The following MTHFD1L variants were observed in gnomAD, a reference collection of about 807,000 sequenced individuals.
MTHFD1L encodes monofunctional C1-tetrahydrofolate synthase, mitochondrial.
In MTHFD1L, 81 loss-of-function variants were observed where a neutral mutation model predicts 119.5. That is an observed-to-expected ratio of 0.68 (90% confidence interval 0.57 to 0.82). The LOEUF is 0.82. MTHFD1L is among the 40% of genes least tolerant of loss of function. MTHFD1L has a pLI of 0.00. For missense variants in MTHFD1L, 1,125 were observed against 1,253.4 expected, an observed-to-expected ratio of 0.90 and a Z score of 1.55; for synonymous variants, 430 against 475.2, an observed-to-expected ratio of 0.90 and a Z score of 1.24.
chr6:150,994,078 A>AAGGAAGGAAGGAAGGAAGG (rs1252305117), intron 20 of MTHFD1L, among the ~76,000 whole-genome samples: 5 of 118,096 alleles, frequency 4.2e-5, no homozygotes, highest in African/African-American at 2.5e-4. Flanking sequence ...AAAAAAAAAA[A>AAGGAAGGAAGGAAGGAAGG]AAGAAAGAAA....
intron 20 of MTHFD1L, among the ~76,000 whole-genome samples, chr6:150,995,824 G>T (rs1779741862): frequency 6.8e-6 from 1 of 147,552 alleles, no homozygotes; most frequent in Non-Finnish European, 1.5e-5. Context: ...ACCACATCAG[G>T]CTAATTTTTT....
At chr6:150,910,301 C>T (rs1311347382) in intron 8 of MTHFD1L, among the ~76,000 whole-genome samples, 1 of 151,624 alleles carries the variant, frequency 6.6e-6, no homozygotes, top group Non-Finnish European at 1.5e-5. Flanking sequence ...CGGTGGCTCA[C>T]GCCTGTAATC....
chr6:151,017,863 C>T (rs1350756667), intron 24 of MTHFD1L, among the ~76,000 whole-genome samples: 18 of 117,180 alleles, frequency 1.5e-4, no homozygotes, highest in Admixed American at 8.3e-4. Context: ...GAGACGGAGT[C>T]TTGCTCTGTC....
At chr6:151,065,478 A>G (rs1791131465) in intron 26 of MTHFD1L, among the ~76,000 whole-genome samples, 1 of 152,266 alleles carries the variant, frequency 6.6e-6, no homozygotes, top group African/African-American at 2.4e-5. Context: ...ATTGACCCAG[A>G]TAACAGAAAA....
intron 20 of MTHFD1L, among the ~76,000 whole-genome samples, chr6:151,009,359 C>CTGTTGG (rs1781895849): frequency 1.3e-5 from 2 of 151,782 alleles, no homozygotes; most frequent in Admixed American, 1.3e-4. Context: ...ATGGTGAAAC[C>CTGTTGG]CCATCTCTAC....
At position 150,960,283 on chromosome 6, in the gene MTHFD1L, T is replaced by A; in HGVS notation, c.1812T>A (p.Phe604Leu). Residue 604 changes from phenylalanine (F) to leucine (L), a missense_variant, in exon 18 of 28, where the codon TTT (phenylalanine) becomes TTA (leucine). Phe to Leu is a conservative substitution (Grantham distance 22). This residue lies in a region of MTHFD1L where 1,058 missense variants were observed against 1,151.2 expected (regional missense o/e 0.92). Coordinates refer to ENST00000367321, the MANE Select transcript of MTHFD1L (RefSeq NM_015440.5). ...TEKGHYRQAQ[F>L]DIAVASEIMA... ...TGTTTGGGCTGGTTCAGGCGCAGTTTGACATCGCAGTGGCCAGCGAGATCA... is the reference window on the plus strand; with the variant it reads ...TGTTTGGGCTGGTTCAGGCGCAGTTAGACATCGCAGTGGCCAGCGAGATCA... 1 of 1,612,854 alleles carries A rather than the reference T, an allele frequency of 6.2e-7. No homozygotes were observed. The highest frequency in any genetic ancestry group is 8.5e-7 in the Non-Finnish European group (1 of 1,179,434).
intron 27 of MTHFD1L, among the ~76,000 whole-genome samples, chr6:151,098,440 C>A (rs1272774486): frequency 1.3e-5 from 2 of 152,140 alleles, no homozygotes; most frequent in Non-Finnish European, 2.9e-5. Context: ...AAAGGGGCGC[C>A]AAGGCATCAC....
chr6:151,076,105 T>C (rs76440980), intron 26 of MTHFD1L, among the ~76,000 whole-genome samples: 6,692 of 152,298 alleles, frequency 0.044, 196 homozygotes, highest in Middle Eastern at 0.082. Context: ...GCACAGTAGC[T>C]CATGCCTGTA....
chr6:150,940,900 G>T lies in MTHFD1L; in HGVS notation c.1440+2155G>T, dbSNP rs528308339. Among the ~76,000 whole-genome samples, 11 of 152,248 alleles carry T rather than the reference G, an allele frequency of 7.2e-5. No individual in the cohort carries two copies. In the South Asian group the frequency reaches 1.9e-3, roughly 26 times the overall value. ...CAGCCAAGAAGACTACCTTATGAGG[G>T]TAGAGTGGGCCAGACACACTCAGGC... On this transcript the variant is annotated intron_variant, in intron 13 of 27. Coordinates refer to ENST00000367321, the MANE Select transcript of MTHFD1L (RefSeq NM_015440.5).
chr6:150,986,836 C>T (rs918235613), intron 20 of MTHFD1L, among the ~76,000 whole-genome samples: 2 of 152,162 alleles, frequency 1.3e-5, no homozygotes, highest in Admixed American at 6.5e-5. Context: ...TCCCAAGTAG[C>T]TGGGACTACA....
chr6:151,065,889 A>G (rs1276188685), intron 26 of MTHFD1L, among the ~76,000 whole-genome samples: 1 of 152,174 alleles, frequency 6.6e-6, no homozygotes, highest in Non-Finnish European at 1.5e-5. Context: ...CCTGGCCTGT[A>G]GAGTAGAAGA....
chr6:150,877,397 T>C (rs1233492860), intron 2 of MTHFD1L, among the ~76,000 whole-genome samples: 1 of 152,208 alleles, frequency 6.6e-6, no homozygotes, highest in Non-Finnish European at 1.5e-5. Flanking sequence ...TTACTATGTC[T>C]TCTAATAGGA....
intron 20 of MTHFD1L, among the ~76,000 whole-genome samples, chr6:151,008,235 T>G (rs554318367): frequency 6.6e-6 from 1 of 152,372 alleles, no homozygotes; most frequent in South Asian, 2.1e-4. Flanking sequence ...AATTGTAAAT[T>G]TTGAAAGTTT....
At position 150,866,334 on chromosome 6, in the gene MTHFD1L, C is replaced by A. The variant is rs749210999; in HGVS notation, c.227+285C>A. ...GGCATGGACCGCACGCCCGGCTCCA[C>A]GTGCGCAGCCGGCCGCCGGCTCTGA... On this transcript the variant is annotated intron_variant, in intron 1 of 27. Coordinates refer to ENST00000367321, the MANE Select transcript of MTHFD1L (RefSeq NM_015440.5). 7.4e-5 allele frequency: 107 copies of A among 1,449,124 alleles called. 1 individual carries two copies. The highest frequency in any genetic ancestry group is 4.5e-4 in the South Asian group (33 of 73,778). The allele number at this position is 1,449,124 out of a possible 1,614,324, so 89.8% of individuals were successfully genotyped here.
chr6:150,906,600 T>C (rs1366061250), intron 8 of MTHFD1L, among the ~76,000 whole-genome samples: 1 of 152,178 alleles, frequency 6.6e-6, no homozygotes, highest in Admixed American at 6.5e-5. Flanking sequence ...GGCCTCCAAA[T>C]GTTTGTGTGG....
At chr6:150,937,218 A>G (rs1792239513) in intron 12 of MTHFD1L, among the ~76,000 whole-genome samples, 1 of 152,132 alleles carries the variant, frequency 6.6e-6, no homozygotes, top group South Asian at 2.1e-4. Flanking sequence ...CCATTTCATC[A>G]GGGCCTTCTT....
chr6:150,955,899 C>G, intron 16 of MTHFD1L, 96 bp from the exon 17 acceptor site: 1 of 1,036,402 alleles, frequency 9.6e-7, no homozygotes, highest in South Asian at 1.3e-5. Flanking sequence ...TTCTCTTTCA[C>G]CCTCTGCAAC....
intron 26 of MTHFD1L, among the ~76,000 whole-genome samples, chr6:151,046,471 GTATATATATATATATATATA>G (rs1156377344): frequency 1.0e-3 from 37 of 36,448 alleles, no homozygotes; most frequent in East Asian, 1.6e-3. Flanking sequence ...ATGTGTGTGT[GTATATATATATATATATATA>G]TATATATATA....
At chr6:151,100,320 GT>G (rs1379085128) in intron 27 of MTHFD1L, among the ~76,000 whole-genome samples, 1 of 152,032 alleles carries the variant, frequency 6.6e-6, no homozygotes. Flanking sequence ...TTTTATTTTT[GT>G]TCATCTTTGT....
Sources: gnomAD v4.1 joint callset for allele counts (sites outside exome capture counted in the v4.1 genomes callset) on GRCh38, gnomAD v4.1.1 for gene constraint, gnomAD v4.1.1 regional missense constraint, MANE v1.5 for transcripts, NCBI Gene and HGNC (gene_info 2026-07-23, HGNC 2026-07-21) for gene names.